The following SPACA7 variants were observed in gnomAD, a reference collection of about 807,000 sequenced individuals.
SPACA7 encodes sperm acrosome associated 7, also known as sperm acrosome-associated protein 7.
SPACA7 carries 19 observed loss-of-function variants against 26.3 expected under a neutral mutation model. The observed-to-expected ratio is 0.72, with a 90% confidence interval of 0.50 to 1.06. SPACA7 has a LOEUF of 1.06. Among genes scored for constraint, SPACA7 ranks in the 50% least tolerant of loss-of-function variants. The probability of loss-of-function intolerance (pLI) is 0.00; values close to 1 mark genes in which losing one functional copy is unlikely to be tolerated. For missense variants in SPACA7, 211 were observed against 229.9 expected, an observed-to-expected ratio of 0.92 and a Z score of 0.53; for synonymous variants, 84 against 84.5, an observed-to-expected ratio of 0.99 and a Z score of 0.04.
intron 5 of SPACA7, among the ~76,000 whole-genome samples, chr13:112,416,286 T>C (rs1886687235): frequency 2.0e-5 from 1 of 49,940 alleles, no homozygotes; most frequent in South Asian, 6.4e-4. Flanking sequence ...GTTGTTGTTG[T>C]TGTTTGTTGT....
At chr13:112,394,559 T>C (rs1342642644) in intron 2 of SPACA7, among the ~76,000 whole-genome samples, 2 of 151,580 alleles carry the variant, frequency 1.3e-5, no homozygotes, top group Non-Finnish European at 2.9e-5. Flanking sequence ...CCTGCCTGCG[T>C]GTTTGATGGG....
At chr13:112,410,267 A>C (rs1215267231) in intron 5 of SPACA7, among the ~76,000 whole-genome samples, 1 of 152,086 alleles carries the variant, frequency 6.6e-6, no homozygotes, top group African/African-American at 2.4e-5. Context: ...CCTAATGTAA[A>C]TGATGAGTTA....
chr13:112,410,230 G>C lies in SPACA7; in HGVS notation c.445+9066G>C, dbSNP rs191134073. On this transcript the variant is annotated intron_variant, in intron 5 of 6. Transcript: ENST00000283550. ...GGGGCCTGTGATGGGGTGCGGGGAT[G>C]GGGGAGGGATAGCATTAGGAGATAT... Among the ~76,000 whole-genome samples the C allele has an allele frequency of 9.2e-5, 14 of 152,144 alleles. No homozygotes were observed. In the East Asian group the frequency reaches 9.6e-4, roughly 10 times the overall value.
chr13:112,381,884 A>G lies in SPACA7; in HGVS notation c.94+5405A>G, dbSNP rs1484622936. 2.0e-5 allele frequency among the ~76,000 whole-genome samples: 3 copies of G among 152,172 alleles called. No individual in the cohort carries two copies. In the East Asian group the frequency reaches 5.8e-4, roughly 29 times the overall value. On this transcript the variant is annotated intron_variant, in intron 1 of 6. Coordinates refer to ENST00000283550, the MANE Select transcript of SPACA7 (RefSeq NM_145248.5). ...ATCCATCAAGGGCAGGATCTGCAAA[A>G]TATCTCAAGCACTGATCTTAGGAGC...
chr13:112,424,214 T>C (rs1245998648), intron 5 of SPACA7, among the ~76,000 whole-genome samples: 1 of 152,182 alleles, frequency 6.6e-6, no homozygotes, highest in Non-Finnish European at 1.5e-5. Flanking sequence ...TCCACCAGCA[T>C]CTCTGCTGCA....
chr13:112,409,045 C>T (rs1211506313), intron 5 of SPACA7, among the ~76,000 whole-genome samples: 2 of 152,132 alleles, frequency 1.3e-5, no homozygotes, highest in Non-Finnish European at 2.9e-5. Context: ...GAACAGAGCC[C>T]TCAGAAATAA....
chr13:112,381,133 A>C (rs752387107), intron 1 of SPACA7, among the ~76,000 whole-genome samples: 5 of 152,180 alleles, frequency 3.3e-5, no homozygotes, highest in Non-Finnish European at 7.3e-5. Flanking sequence ...CTCTTGTTTT[A>C]CTTAACTGAT....
In SPACA7 at chr13:112,425,585, T is replaced by G. The variant is rs141563273; in HGVS notation, c.446-6859T>G. Among the ~76,000 whole-genome samples, 824 of 152,264 alleles carry G rather than the reference T, an allele frequency of 5.4e-3. 3 individuals are homozygous for G. The highest frequency in any genetic ancestry group is 8.5e-3 in the Non-Finnish European group (579 of 68,018). ...ACAGAATAAAGACAGAGTGTAAGTA[T>G]GAAACCGTTTTGTTTTCACCAAGAG... On this transcript the variant is annotated intron_variant, in intron 5 of 6. Transcript: ENST00000283550.
intron 4 of SPACA7, among the ~76,000 whole-genome samples, chr13:112,399,899 G>A (rs1350962852): frequency 6.6e-6 from 1 of 152,158 alleles, no homozygotes; most frequent in African/African-American, 2.4e-5. Context: ...ATCTTCACAT[G>A]GAGACAGGAG....
intron 2 of SPACA7, among the ~76,000 whole-genome samples, chr13:112,397,013 C>T (rs370712211): frequency 1.5e-4 from 23 of 152,210 alleles, no homozygotes; most frequent in African/African-American, 4.8e-4. Flanking sequence ...GTAGCCCACC[C>T]GGCTGCAGGG....
Position 112,414,751 on chromosome 13 carries a change from AT to A in SPACA7, c.445+13592del, listed in dbSNP as rs756621598. Among the ~76,000 whole-genome samples, 14 of 152,182 alleles carry A rather than the reference AT, an allele frequency of 9.2e-5. No individual in the cohort carries two copies. In the South Asian group the frequency reaches 2.5e-3, roughly 27 times the overall value. ...TTGAAGTTTTCCTCAAAATAGCTATATTTTTGTAGAATTCTCAGTCTTAAAG... is the reference window on the plus strand; with the variant it reads ...TTGAAGTTTTCCTCAAAATAGCTATATTTTGTAGAATTCTCAGTCTTAAAG... On this transcript the variant is annotated intron_variant, in intron 5 of 6. Coordinates refer to ENST00000283550, the MANE Select transcript of SPACA7 (RefSeq NM_145248.5).
intron 5 of SPACA7, among the ~76,000 whole-genome samples, chr13:112,408,825 A>T (rs575897695): frequency 2.6e-5 from 4 of 152,296 alleles, no homozygotes; most frequent in African/African-American, 7.2e-5. Context: ...ACCCCCATCA[A>T]GCTACCAATG....
rs1566453142 is a variant in SPACA7, at chr13:112,383,127, AAGAAAGAAAGAAAG to A, written c.94+6650_94+6663del. ...AAAGAAAAGAAAAGAAAAGAAAAGA[AAGAAAGAAAGAAAG>A]AAAGAAAGAAAGAAAGAAAGAAAGA... On this transcript the variant is annotated intron_variant, in intron 1 of 6. Transcript: ENST00000283550. 4.0e-3 allele frequency among the ~76,000 whole-genome samples: 17 copies of A among 4,204 alleles called. 1 individual carries two copies. The highest frequency in any genetic ancestry group is 4.9e-3 in the Non-Finnish European group (8 of 1,620). 2.8% of individuals were successfully genotyped at this position (4,204 alleles called of 152,430 possible).
intron 2 of SPACA7, among the ~76,000 whole-genome samples, chr13:112,396,553 G>A (rs1022663856): frequency 6.6e-6 from 1 of 152,212 alleles, no homozygotes; most frequent in Non-Finnish European, 1.5e-5. Flanking sequence ...TGCCTGTGCA[G>A]TGTCTGGTTC....
intron 5 of SPACA7, among the ~76,000 whole-genome samples, chr13:112,414,672 A>G (rs893537444): frequency 6.6e-6 from 1 of 152,068 alleles, no homozygotes; most frequent in African/African-American, 2.4e-5. Flanking sequence ...TTGGCTTCCC[A>G]AAGTGCTGGG....
At chr13:112,410,006 C>A (rs901695813) in intron 5 of SPACA7, among the ~76,000 whole-genome samples, 1 of 152,216 alleles carries the variant, frequency 6.6e-6, no homozygotes, top group South Asian at 2.1e-4. Flanking sequence ...GAAAATGTGG[C>A]ACATATACAC....
intron 5 of SPACA7, among the ~76,000 whole-genome samples, chr13:112,431,033 T>G (rs1241842200): frequency 6.6e-6 from 1 of 152,212 alleles, no homozygotes; most frequent in Non-Finnish European, 1.5e-5. Context: ...TGGGTCACAG[T>G]TGTGGCCTCC....
At chr13:112,402,737 A>G (rs1411036518) in intron 5 of SPACA7, among the ~76,000 whole-genome samples, 1 of 152,172 alleles carries the variant, frequency 6.6e-6, no homozygotes, top group Non-Finnish European at 1.5e-5. Flanking sequence ...AGTCTTTTTT[A>G]TCATTTTTGG....
chr13:112,394,135 T>C (rs1885078513), intron 2 of SPACA7, among the ~76,000 whole-genome samples: 1 of 152,214 alleles, frequency 6.6e-6, no homozygotes, highest in Admixed American at 6.5e-5. Flanking sequence ...GTCCTTTGCC[T>C]TCACGGCCAT....
Sources: gnomAD v4.1 joint callset for allele counts (sites outside exome capture counted in the v4.1 genomes callset) on GRCh38, gnomAD v4.1.1 for gene constraint, MANE v1.5 for transcripts, NCBI Gene and HGNC (gene_info 2026-07-23, HGNC 2026-07-21) for gene names.